Variants in ASIC2 observed in about 807,000 individuals in gnomAD.
The protein encoded by ASIC2 is acid sensing ion channel subunit 2.
ASIC2 carries 25 observed loss-of-function variants against 57.3 expected under a neutral mutation model. The observed-to-expected ratio is 0.44, with a 90% CI of 0.32 to 0.61. The LOEUF is 0.61. ASIC2 is among the 20% of genes least tolerant of loss of function. The pLI is 0.06. For missense variants in ASIC2, 641 were observed against 738.1 expected, an observed-to-expected ratio of 0.87 and a Z score of 1.52; for synonymous variants, 319 against 307.5, an observed-to-expected ratio of 1.04 and a Z score of -0.39.
intron 3 of ASIC2, among the ~76,000 whole-genome samples, chr17:33,051,223 A>T (rs1241636308): frequency 6.6e-6 from 1 of 152,178 alleles, no homozygotes; most frequent in Non-Finnish European, 1.5e-5. Context: ...TACAGATTGA[A>T]GACAGACTCG....
At chr17:34,099,195 A>G (rs188229179) in intron 1 of ASIC2, among the ~76,000 whole-genome samples, 2,471 of 125,740 alleles carry the variant, frequency 0.02, 199 homozygotes, top group African/African-American at 0.083. Flanking sequence ...AAAGAAAGAA[A>G]GAAAGAAAGA....
At chr17:33,600,619 A>T (rs1905097734) in intron 1 of ASIC2, among the ~76,000 whole-genome samples, 1 of 152,138 alleles carries the variant, frequency 6.6e-6, no homozygotes, top group East Asian at 1.9e-4. Flanking sequence ...CTGAGGTGGC[A>T]ATTTTTTTTA....
intron 1 of ASIC2, among the ~76,000 whole-genome samples, chr17:33,568,703 C>T (rs1437633601): frequency 6.6e-6 from 1 of 152,172 alleles, no homozygotes; most frequent in East Asian, 1.9e-4. Context: ...ATATACATAC[C>T]TATCTCTCTA....
At chr17:33,729,664 T>C (rs1909677954) in intron 1 of ASIC2, among the ~76,000 whole-genome samples, 1 of 152,196 alleles carries the variant, frequency 6.6e-6, no homozygotes, top group South Asian at 2.1e-4. Context: ...GCTTTTGCTT[T>C]AAATTCCCCA....
At chr17:33,987,619 C>T (rs1457656663) in intron 1 of ASIC2, among the ~76,000 whole-genome samples, 2 of 152,100 alleles carry the variant, frequency 1.3e-5, no homozygotes, top group Admixed American at 6.5e-5. Flanking sequence ...AAATCCCATT[C>T]CAGTATCATT....
intron 1 of ASIC2, among the ~76,000 whole-genome samples, chr17:34,054,052 AC>A (rs774324554): frequency 7.2e-5 from 11 of 152,376 alleles, no homozygotes; most frequent in Non-Finnish European, 1.2e-4. Context: ...AGTCATAAGT[AC>A]CGCAAACCTG....
intron 3 of ASIC2, among the ~76,000 whole-genome samples, chr17:33,059,495 T>C (rs2092012072): frequency 6.6e-6 from 1 of 152,234 alleles, no homozygotes; most frequent in South Asian, 2.1e-4. Context: ...GAACTCATCC[T>C]TTTTTATGGC....
In ASIC2 at chr17:34,155,573, A is replaced by ACACACG. The variant is rs568709723; in HGVS notation, c.555+399_555+404dup. 8.1e-3 allele frequency: 1,557 copies of ACACACG among 192,320 alleles called. 18 individuals are homozygous for ACACACG. Among genetic ancestry groups the ACACACG allele is most frequent in the Non-Finnish European group, 9.1e-3 (858 of 94,478 alleles). 11.9% of individuals were successfully genotyped at this position (192,320 alleles called of 1,614,324 possible). ...ATGCCACTTCCGAGCAGAGAGAGACACACACGCACACGCACACGCACACAC... is the reference window on the plus strand; with the variant it reads ...ATGCCACTTCCGAGCAGAGAGAGACACACACGCACACGCACACGCACACGCACACAC... On this transcript the variant is annotated intron_variant, in intron 1 of 9. Coordinates refer to the ASIC2 transcript ENST00000359872.
chr17:33,123,180 T>G (rs1285194268), intron 1 of ASIC2, among the ~76,000 whole-genome samples: 1 of 152,204 alleles, frequency 6.6e-6, no homozygotes, highest in Non-Finnish European at 1.5e-5. Context: ...GCTGAAGAGA[T>G]GTCTGCACTC....
At chr17:33,761,395 C>T (rs1910773394) in intron 1 of ASIC2, among the ~76,000 whole-genome samples, 1 of 152,076 alleles carries the variant, frequency 6.6e-6, no homozygotes, top group Admixed American at 6.5e-5. Flanking sequence ...ATCCGGGGGC[C>T]CTCAACACAG....
chr17:33,098,366 T>C (rs1049329882), intron 2 of ASIC2, among the ~76,000 whole-genome samples: 1 of 138,236 alleles, frequency 7.2e-6, no homozygotes, highest in Non-Finnish European at 1.6e-5. Flanking sequence ...CCCTGACAGA[T>C]AGGCACTGTA....
chr17:33,580,724 C>T (rs542006851), intron 1 of ASIC2, among the ~76,000 whole-genome samples: 3 of 152,294 alleles, frequency 2.0e-5, no homozygotes, highest in East Asian at 1.9e-4. Flanking sequence ...GGATCTCACT[C>T]TTGCTGCGTC....
At chr17:33,375,124 T>C (rs2141941724) in intron 1 of ASIC2, among the ~76,000 whole-genome samples, 1 of 152,284 alleles carries the variant, frequency 6.6e-6, no homozygotes, top group South Asian at 2.1e-4. Context: ...TGTCAGAGGA[T>C]GATAAGTGTT....
At chr17:33,555,851 C>A (rs1366860642) in intron 1 of ASIC2, among the ~76,000 whole-genome samples, 1 of 152,148 alleles carries the variant, frequency 6.6e-6, no homozygotes. Flanking sequence ...GATACAGGGA[C>A]TCTAGCTGAG....
At chr17:33,219,713 G>C (rs72819155) in intron 1 of ASIC2, among the ~76,000 whole-genome samples, 1,930 of 152,256 alleles carry the variant, frequency 0.013, 25 homozygotes, top group Non-Finnish European at 0.021. Flanking sequence ...TTCAAATGGC[G>C]TGGGAATTTT....
intron 1 of ASIC2, among the ~76,000 whole-genome samples, chr17:33,698,768 G>A (rs542624006): frequency 4.1e-4 from 62 of 152,148 alleles, no homozygotes; most frequent in Non-Finnish European, 7.4e-4. Context: ...ACGAGGCTGC[G>A]GTATGGTGAG....
intron 1 of ASIC2, among the ~76,000 whole-genome samples, chr17:33,501,462 T>A (rs1292078539): frequency 6.6e-6 from 1 of 152,234 alleles, no homozygotes; most frequent in Non-Finnish European, 1.5e-5. Flanking sequence ...CTGTAAACAC[T>A]GGCACAGAAA....
intron 3 of ASIC2, among the ~76,000 whole-genome samples, chr17:33,035,349 T>A (rs1025593928): frequency 6.6e-6 from 1 of 152,246 alleles, no homozygotes; most frequent in African/African-American, 2.4e-5. Context: ...TCCCTCTTCA[T>A]GTGTCTAGGA....
chr17:33,507,888 G>A (rs1046594112), intron 1 of ASIC2, among the ~76,000 whole-genome samples: 3 of 152,218 alleles, frequency 2.0e-5, no homozygotes, highest in African/African-American at 4.8e-5. Flanking sequence ...CTGGGCAACA[G>A]AGCTAGACCC....
Sources: allele counts gnomAD v4.1 joint callset (sites outside exome capture counted in the v4.1 genomes callset), GRCh38; gene constraint gnomAD v4.1.1; transcripts MANE v1.5; gene names NCBI Gene and HGNC (gene_info 2026-07-23, HGNC 2026-07-21).